The following ADAMTSL1 variants were observed in gnomAD, a reference collection of about 807,000 sequenced individuals.
ADAMTSL1 encodes ADAMTS-like protein 1.
ADAMTSL1 carries 126 observed loss-of-function variants against 201.8 expected under a neutral mutation model. The ratio of observed to expected loss-of-function variants is 0.62; its 90% confidence interval spans 0.54 to 0.72. The LOEUF is 0.72. Among genes scored for constraint, ADAMTSL1 ranks in the 30% least tolerant of loss-of-function variants. The pLI is 0.00. For synonymous variants in ADAMTSL1, 1,121 were observed against 903.4 expected, an observed-to-expected ratio of 1.24 and a Z score of -4.32; for missense variants, 2,679 against 2,277.8, an observed-to-expected ratio of 1.18 and a Z score of -3.59.
chr9:18,752,723 G>A (rs565273545), intron 15 of ADAMTSL1, among the ~76,000 whole-genome samples: 1 of 152,288 alleles, frequency 6.6e-6, no homozygotes, highest in South Asian at 2.1e-4. Flanking sequence ...ACTGATCGAT[G>A]GAGCAGCCTT....
chr9:18,346,651 G>A (rs1051252543), intron 2 of ADAMTSL1, among the ~76,000 whole-genome samples: 1 of 152,172 alleles, frequency 6.6e-6, no homozygotes, highest in Non-Finnish European at 1.5e-5. Flanking sequence ...TGAAACTTTA[G>A]AAGTAAAAGT....
At chr9:18,653,998 C>T (rs964878065) in intron 7 of ADAMTSL1, among the ~76,000 whole-genome samples, 1 of 152,156 alleles carries the variant, frequency 6.6e-6, no homozygotes, top group Non-Finnish European at 1.5e-5. Context: ...GAGGCCGAGG[C>T]GGGTGGATCA....
chr9:18,884,183 A>G (rs1484828783), intron 23 of ADAMTSL1, among the ~76,000 whole-genome samples: 1 of 152,082 alleles, frequency 6.6e-6, no homozygotes, highest in African/African-American at 2.4e-5. Flanking sequence ...GCATCTTTTC[A>G]TGTGTTTATT....
intron 3 of ADAMTSL1, among the ~76,000 whole-genome samples, chr9:18,537,668 G>A (rs1296016114): frequency 2.0e-5 from 3 of 152,060 alleles, no homozygotes; most frequent in African/African-American, 4.8e-5. Context: ...TTGAGGCCAG[G>A]AGTTTGAGAC....
chr9:18,094,090 T>G (rs1824139639), intron 1 of ADAMTSL1, among the ~76,000 whole-genome samples: 1 of 152,146 alleles, frequency 6.6e-6, no homozygotes, highest in South Asian at 2.1e-4. Context: ...CAGAGTAGAT[T>G]TCAGAGGCTA....
chr9:18,539,865 C>A (rs1820018204), intron 3 of ADAMTSL1, among the ~76,000 whole-genome samples: 1 of 152,066 alleles, frequency 6.6e-6, no homozygotes, highest in Admixed American at 6.5e-5. Flanking sequence ...GTTGCTTGGA[C>A]CTAACTGCTT....
rs113037204 is a variant in ADAMTSL1, at chr9:18,729,196, G to A, written c.2006+7531G>A. On this transcript the variant is annotated intron_variant, in intron 15 of 28. Coordinates refer to ENST00000380548, the MANE Select transcript of ADAMTSL1 (RefSeq NM_001040272.6). ...CAGCCCCAAGGAAGGGTGTCAGGGC[G>A]TCATGAGTGTTGCAGCTATCTGATC... Among the ~76,000 whole-genome samples the A allele has an allele frequency of 9.1e-3, 1,390 of 152,314 alleles. 15 individuals are homozygous for A. The highest frequency in any genetic ancestry group is 0.032 in the African/African-American group (1,312 of 41,564).
intron 2 of ADAMTSL1, among the ~76,000 whole-genome samples, chr9:18,289,988 G>A (rs540772270): frequency 1.3e-5 from 2 of 152,246 alleles, no homozygotes; most frequent in South Asian, 2.1e-4. Context: ...TACCCTCTAA[G>A]AAAAAGTTAG....
At chr9:18,808,204 C>G (rs1339285005) in intron 20 of ADAMTSL1, among the ~76,000 whole-genome samples, 1 of 152,084 alleles carries the variant, frequency 6.6e-6, no homozygotes, top group East Asian at 1.9e-4. Context: ...CACCTAGGAA[C>G]TTGTTTAAAA....
chr9:17,950,014 G>T (rs544924305), intron 1 of ADAMTSL1, among the ~76,000 whole-genome samples: 162 of 152,192 alleles, frequency 1.1e-3, no homozygotes, highest in African/African-American at 3.6e-3. Flanking sequence ...TGTCTCCCGG[G>T]TTCAAGTGAT....
chr9:18,736,626 A>C (rs1818514058), intron 15 of ADAMTSL1, among the ~76,000 whole-genome samples: 1 of 152,220 alleles, frequency 6.6e-6, no homozygotes, highest in Non-Finnish European at 1.5e-5. Context: ...GGTTGGCAAG[A>C]GGTAGACTAC....
intron 4 of ADAMTSL1, among the ~76,000 whole-genome samples, chr9:18,598,545 T>A (rs1018475985): frequency 1.3e-5 from 2 of 152,200 alleles, no homozygotes; most frequent in Admixed American, 6.5e-5. Context: ...GTCCCTGTGC[T>A]AAATTTCCCT....
At chr9:18,496,332 A>G (rs982925991) in intron 1 of ADAMTSL1, among the ~76,000 whole-genome samples, 1 of 152,224 alleles carries the variant, frequency 6.6e-6, no homozygotes, top group African/African-American at 2.4e-5. Context: ...AAAGCATAAT[A>G]TTAAGCCAGG....
chr9:18,357,852 A>T (rs1836322862), intron 2 of ADAMTSL1, among the ~76,000 whole-genome samples: 2 of 152,128 alleles, frequency 1.3e-5, no homozygotes, highest in South Asian at 4.1e-4. Flanking sequence ...TGATACTGCT[A>T]TCGTTTTAGA....
chr9:18,315,980 G>C (rs1441272805), intron 2 of ADAMTSL1, among the ~76,000 whole-genome samples: 2 of 152,212 alleles, frequency 1.3e-5, no homozygotes, highest in Non-Finnish European at 2.9e-5. Flanking sequence ...GCTGGCTTGA[G>C]AAATAAAGGG....
At chr9:18,908,398 ATC>A in intron 28 of ADAMTSL1, 42 bp from the exon 29 acceptor site, 2 of 1,494,060 alleles carry the variant, frequency 1.3e-6, no homozygotes, top group Non-Finnish European at 1.8e-6. Context: ...TCTGTTTCAC[ATC>A]TCTTTTCTGT....
At chr9:18,860,032 T>G (rs1827111479) in intron 23 of ADAMTSL1, among the ~76,000 whole-genome samples, 1 of 152,238 alleles carries the variant, frequency 6.6e-6, no homozygotes, top group Non-Finnish European at 1.5e-5. Flanking sequence ...TATGTGTGAT[T>G]GGAAAGAGAG....
rs1208512870 is a variant in ADAMTSL1, at chr9:18,718,406, T to C, written c.1877-3130T>C. On this transcript the variant is annotated intron_variant, in intron 14 of 28. Coordinates refer to ENST00000380548, the MANE Select transcript of ADAMTSL1 (RefSeq NM_001040272.6). The stretch of plus-strand genomic sequence containing the variant: ...GCTGTGCATCTACTTCAACTTGCTT[T>C]CTATAAGAATCTTCTATCATAGGAC... The C allele has an allele frequency of 1.5e-5, 10 of 681,962 alleles. No individual in the cohort carries two copies. In the Admixed American group the frequency reaches 1.8e-4, roughly 12 times the overall value. The allele number at this position is 681,962 out of a possible 1,614,324, so 42.2% of individuals were successfully genotyped here.
chr9:18,206,153 A>T (rs767103331), intron 2 of ADAMTSL1, among the ~76,000 whole-genome samples: 1 of 151,008 alleles, frequency 6.6e-6, no homozygotes, highest in Non-Finnish European at 1.5e-5. Flanking sequence ...TTATTTTTCA[A>T]TATGGATCAT....
Sources: gnomAD v4.1 joint callset for allele counts (sites outside exome capture counted in the v4.1 genomes callset) on GRCh38, gnomAD v4.1.1 for gene constraint, MANE v1.5 for transcripts, NCBI Gene and HGNC (gene_info 2026-07-23, HGNC 2026-07-21) for gene names.